The following KCNH8 variants were observed in gnomAD, a reference collection of about 807,000 sequenced individuals.
KCNH8 encodes potassium voltage-gated channel subfamily H member 8.
In KCNH8, 70 loss-of-function variants were observed where a neutral mutation model predicts 103.6. That is an observed-to-expected ratio of 0.68 (90% CI 0.56 to 0.82). The LOEUF is 0.82. Ranked by LOEUF, KCNH8 falls within the 40% of genes least tolerant of loss-of-function variation. The pLI is 0.00. For synonymous variants in KCNH8, 498 were observed against 489.4 expected, an observed-to-expected ratio of 1.02 and a Z score of -0.23; for missense variants, 1,217 against 1,329.9, an observed-to-expected ratio of 0.92 and a Z score of 1.32.
At chr3:19,168,805 T>A (rs79935515) in intron 1 of KCNH8, among the ~76,000 whole-genome samples, 1 of 152,176 alleles carries the variant, frequency 6.6e-6, no homozygotes, top group African/African-American at 2.4e-5. Context: ...CATTATGAAA[T>A]TTCCTCAGAA....
chr3:19,300,249 T>TA (rs749359588), intron 3 of KCNH8, among the ~76,000 whole-genome samples: 173 of 130,914 alleles, frequency 1.3e-3, no homozygotes, highest in Middle Eastern at 3.9e-3. Flanking sequence ...ACTCTGTCTA[T>TA]AAAAAAAAAA....
intron 11 of KCNH8, among the ~76,000 whole-genome samples, chr3:19,483,496 G>C (rs1340262182): frequency 6.6e-6 from 1 of 152,108 alleles, no homozygotes; most frequent in Non-Finnish European, 1.5e-5. Flanking sequence ...AATTCATCAG[G>C]AACTGGGTCT....
chr3:19,421,564 T>C (rs1225311544), intron 7 of KCNH8, among the ~76,000 whole-genome samples: 3 of 152,108 alleles, frequency 2.0e-5, no homozygotes, highest in Admixed American at 1.3e-4. Flanking sequence ...TTTTATTAAG[T>C]TCTTTTGGTA....
At chr3:19,446,377 G>A (rs1223964821) in intron 8 of KCNH8, among the ~76,000 whole-genome samples, 1 of 151,872 alleles carries the variant, frequency 6.6e-6, no homozygotes, top group Non-Finnish European at 1.5e-5. Context: ...GGCTTCCCTC[G>A]GGTCCCCCCA....
chr3:19,500,712 A>C (rs570043796), intron 11 of KCNH8, among the ~76,000 whole-genome samples: 3 of 152,200 alleles, frequency 2.0e-5, no homozygotes, highest in Admixed American at 1.3e-4. Context: ...GACACAAATA[A>C]AGATGTTCTT....
At chr3:19,428,433 A>T (rs2067061331) in intron 7 of KCNH8, among the ~76,000 whole-genome samples, 1 of 152,210 alleles carries the variant, frequency 6.6e-6, no homozygotes, top group Admixed American at 6.5e-5. Context: ...ATTATTTTCT[A>T]CTTACGGAAC....
At chr3:19,275,222 G>C (rs1421266745) in intron 2 of KCNH8, among the ~76,000 whole-genome samples, 1 of 151,962 alleles carries the variant, frequency 6.6e-6, no homozygotes, top group African/African-American at 2.4e-5. Flanking sequence ...TATTCTGCCA[G>C]TGTTTTTTCA....
chr3:19,335,236 C>T (rs1487479354), intron 3 of KCNH8, among the ~76,000 whole-genome samples: 1 of 151,564 alleles, frequency 6.6e-6, no homozygotes, highest in African/African-American at 2.4e-5. Flanking sequence ...TTGGTATTTA[C>T]TGAGATGGTC....
At chr3:19,499,934 T>A (rs1480741687) in intron 11 of KCNH8, among the ~76,000 whole-genome samples, 1 of 152,014 alleles carries the variant, frequency 6.6e-6, no homozygotes, top group African/African-American at 2.4e-5. Context: ...AATTCACACA[T>A]AACAATATTA....
chr3:19,457,992 T>C (rs2067560230), intron 11 of KCNH8, among the ~76,000 whole-genome samples: 1 of 151,962 alleles, frequency 6.6e-6, no homozygotes, highest in Non-Finnish European at 1.5e-5. Context: ...GTACCAACAT[T>C]TACTGGCTAT....
intron 2 of KCNH8, among the ~76,000 whole-genome samples, chr3:19,257,676 C>T (rs781066039): frequency 3.3e-5 from 5 of 151,938 alleles, no homozygotes; most frequent in Admixed American, 1.3e-4. Flanking sequence ...GAAAGAAAAA[C>T]GTAGAGAACA....
chr3:19,464,111 A>G (rs371472791), intron 11 of KCNH8, among the ~76,000 whole-genome samples: 2 of 152,122 alleles, frequency 1.3e-5, no homozygotes, highest in East Asian at 1.9e-4. Flanking sequence ...AAGAAGAACA[A>G]AATTTGAGGA....
At chr3:19,494,734 G>T (rs1359287005) in intron 11 of KCNH8, among the ~76,000 whole-genome samples, 1 of 152,084 alleles carries the variant, frequency 6.6e-6, no homozygotes. Flanking sequence ...GGGATTGCTG[G>T]ATCAAATGGT....
chr3:19,413,488 G>T (rs538691420), intron 7 of KCNH8, among the ~76,000 whole-genome samples: 24 of 151,934 alleles, frequency 1.6e-4, no homozygotes, highest in Non-Finnish European at 2.5e-4. Flanking sequence ...GGAGTCATGG[G>T]TAACATTTTT....
At chr3:19,400,932 A>T (rs2066604180) in intron 7 of KCNH8, among the ~76,000 whole-genome samples, 1 of 151,856 alleles carries the variant, frequency 6.6e-6, no homozygotes, top group African/African-American at 2.4e-5. Context: ...AAAGAATTAT[A>T]AAAACTTTTA....
chr3:19,479,479 A>G (rs1036786002), intron 11 of KCNH8, among the ~76,000 whole-genome samples: 2 of 152,176 alleles, frequency 1.3e-5, no homozygotes, highest in African/African-American at 2.4e-5. Flanking sequence ...GGCCATCCTC[A>G]AAAAATCTCT....
intron 11 of KCNH8, 22 bp from the exon 12 acceptor site, chr3:19,510,341 A>C (rs751426043): frequency 6.7e-6 from 10 of 1,485,438 alleles, no homozygotes; most frequent in Non-Finnish European, 7.5e-6. Context: ...AAAATGATTA[A>C]TACTTCTGTT....
Position 19,493,220 on chromosome 3 carries a change from TCTTG to T in KCNH8, c.2041-17139_2041-17136del, listed in dbSNP as rs1392297476. Among the ~76,000 whole-genome samples, 8 of 152,266 alleles carry T rather than the reference TCTTG, an allele frequency of 5.3e-5. No individual in the cohort carries two copies. The South Asian group carries it at 1.2e-3, about 24-fold the overall frequency. On this transcript the variant is annotated intron_variant, in intron 11 of 15. Coordinates refer to ENST00000328405, the MANE Select transcript of KCNH8 (RefSeq NM_144633.3). ...TATTTGGATGCCTTTTGTTTCTTTC[TCTTG>T]CTTAACTTCTGGCTAGGACTTTCAG...
chr3:19,255,911 G>A (rs1039488784), intron 2 of KCNH8, among the ~76,000 whole-genome samples: 2 of 152,108 alleles, frequency 1.3e-5, no homozygotes, highest in Non-Finnish European at 2.9e-5. Context: ...GAAGGAACCT[G>A]GGTATGTTTA....
Sources: gnomAD v4.1 joint callset for allele counts (sites outside exome capture counted in the v4.1 genomes callset) on GRCh38, gnomAD v4.1.1 for gene constraint, MANE v1.5 for transcripts, NCBI Gene and HGNC (gene_info 2026-07-23, HGNC 2026-07-21) for gene names.